GMDS: variants seen among roughly 807,000 people sequenced by gnomAD.
GMDS encodes the protein GDP-mannose 4,6 dehydratase.
In GMDS, 20 loss-of-function variants were observed where a neutral mutation model predicts 49.9. The observed-to-expected ratio is 0.40, with a 90% CI of 0.28 to 0.58. The LOEUF (loss-of-function observed/expected upper bound fraction) is 0.58. Among genes scored for constraint, GMDS ranks in the 20% least tolerant of loss-of-function variants. The pLI, the probability that GMDS is intolerant of heterozygous loss-of-function variation, is 0.42. For missense variants in GMDS, 362 were observed against 481.4 expected, an observed-to-expected ratio of 0.75 and a Z score of 2.32; for synonymous variants, 177 against 178.6, an observed-to-expected ratio of 0.99 and a Z score of 0.07.
At chr6:2,223,258 C>G (rs1343495943) in intron 1 of GMDS, among the ~76,000 whole-genome samples, 1 of 151,900 alleles carries the variant, frequency 6.6e-6, no homozygotes, top group Non-Finnish European at 1.5e-5. Context: ...AGAAACTATC[C>G]GTACAAAATG....
chr6:1,674,284 A>C (rs6936424), intron 9 of GMDS, among the ~76,000 whole-genome samples: 19,521 of 152,142 alleles, frequency 0.13, 1,693 homozygotes, highest in Non-Finnish European at 0.18. Flanking sequence ...GACGCTGAGC[A>C]TATTTTCATA....
chr6:2,169,522 C>T lies in GMDS; in HGVS notation c.103-44791G>A, dbSNP rs572114305. Among the ~76,000 whole-genome samples the T allele has an allele frequency of 5.1e-4, 77 of 150,318 alleles. 1 individual carries two copies. The highest frequency in any genetic ancestry group is 1.7e-3 in the African/African-American group (70 of 40,722). On this transcript the variant is annotated intron_variant, in intron 1 of 10. Transcript: ENST00000380815. ...ACTCAGGAGGCTGGAGCTGGAGAAT[C>T]GATTGAACCAAGGATGCAGAGGTTG...
chr6:1,813,008 A>G (rs1415497737), intron 7 of GMDS, among the ~76,000 whole-genome samples: 1 of 152,110 alleles, frequency 6.6e-6, no homozygotes, highest in Non-Finnish European at 1.5e-5. Flanking sequence ...GGACTGCTTG[A>G]GGCGGTCGAG....
At chr6:1,971,020 T>A (rs1581440971) in intron 4 of GMDS, among the ~76,000 whole-genome samples, 1 of 149,748 alleles carries the variant, frequency 6.7e-6, no homozygotes, top group African/African-American at 2.5e-5. Flanking sequence ...GGAGTGGGGG[T>A]TTGGAAAGGT....
chr6:1,848,699 T>C (rs1426437660), intron 7 of GMDS, among the ~76,000 whole-genome samples: 1 of 152,196 alleles, frequency 6.6e-6, no homozygotes, highest in Non-Finnish European at 1.5e-5. Flanking sequence ...AGGGCAGGAC[T>C]GCATAGGGCT....
chr6:2,052,901 C>T (rs1770522392), intron 4 of GMDS, among the ~76,000 whole-genome samples: 1 of 152,214 alleles, frequency 6.6e-6, no homozygotes, highest in Non-Finnish European at 1.5e-5. Context: ...TCTACACTAA[C>T]ACTGCTGACC....
At chr6:2,178,298 G>A (rs574239839) in intron 1 of GMDS, among the ~76,000 whole-genome samples, 1 of 152,262 alleles carries the variant, frequency 6.6e-6, no homozygotes, top group African/African-American at 2.4e-5. Flanking sequence ...GCATGATGCT[G>A]GCATCTGCTT....
intron 7 of GMDS, among the ~76,000 whole-genome samples, chr6:1,897,828 T>A (rs1344614914): frequency 6.6e-6 from 1 of 152,240 alleles, no homozygotes; most frequent in Non-Finnish European, 1.5e-5. Context: ...ACCTGTCCAA[T>A]GCTGAATGAT....
At chr6:1,674,560 C>CT (rs869292549) in intron 9 of GMDS, among the ~76,000 whole-genome samples, 6,446 of 73,074 alleles carry the variant, frequency 0.088, 800 homozygotes, top group East Asian at 0.22. Flanking sequence ...CTCTCTCTCT[C>CT]TTTTTTTTTT....
chr6:1,642,933 A>G (rs1023136089), intron 9 of GMDS, among the ~76,000 whole-genome samples: 5 of 152,176 alleles, frequency 3.3e-5, no homozygotes, highest in African/African-American at 1.2e-4. Context: ...CTATTTTAAA[A>G]TAGCTCTTCA....
chr6:1,774,145 C>A (rs1396299549), intron 7 of GMDS, among the ~76,000 whole-genome samples: 3 of 152,158 alleles, frequency 2.0e-5, no homozygotes, highest in Non-Finnish European at 4.4e-5. Context: ...ATAAATGAAT[C>A]AAAACCATAA....
intron 4 of GMDS, among the ~76,000 whole-genome samples, chr6:2,069,603 C>A (rs1330862009): frequency 6.6e-6 from 1 of 152,022 alleles, no homozygotes; most frequent in African/African-American, 2.4e-5. Flanking sequence ...AAAAAGTGGG[C>A]GAAGGACATG....
At chr6:1,709,161 G>A (rs1022377714) in intron 9 of GMDS, among the ~76,000 whole-genome samples, 2 of 152,222 alleles carry the variant, frequency 1.3e-5, no homozygotes, top group African/African-American at 2.4e-5. Context: ...TACACCCACT[G>A]CAGCACTGAG....
intron 1 of GMDS, among the ~76,000 whole-genome samples, chr6:2,179,370 C>T (rs1202484876): frequency 6.6e-6 from 1 of 152,140 alleles, no homozygotes; most frequent in Admixed American, 6.5e-5. Flanking sequence ...CTGAATATTG[C>T]CCCAAATCAT....
chr6:1,992,462 G>A (rs532348005), intron 4 of GMDS, among the ~76,000 whole-genome samples: 4 of 152,226 alleles, frequency 2.6e-5, no homozygotes, highest in African/African-American at 4.8e-5. Flanking sequence ...CCACATCAGC[G>A]TCCAGGCTGT....
At chr6:1,749,891 G>A (rs942264375) in intron 7 of GMDS, among the ~76,000 whole-genome samples, 5 of 152,208 alleles carry the variant, frequency 3.3e-5, no homozygotes, top group African/African-American at 9.6e-5. Flanking sequence ...TAGTGCCGTG[G>A]CATGATCGTA....
intron 4 of GMDS, among the ~76,000 whole-genome samples, chr6:2,093,619 G>C (rs1773439091): frequency 6.6e-6 from 1 of 151,992 alleles, no homozygotes; most frequent in South Asian, 2.1e-4. Flanking sequence ...TATTCTTCAA[G>C]GTGAAAGACT....
At chr6:1,955,395 G>A (rs796225631) in intron 6 of GMDS, among the ~76,000 whole-genome samples, 33 of 152,226 alleles carry the variant, frequency 2.2e-4, no homozygotes, top group African/African-American at 7.9e-4. Flanking sequence ...GTGAATATCA[G>A]TATATAATAC....
chr6:2,213,612 G>T (rs1780172807), intron 1 of GMDS, among the ~76,000 whole-genome samples: 3 of 152,198 alleles, frequency 2.0e-5, no homozygotes, highest in Admixed American at 1.3e-4. Flanking sequence ...TCCCAGAGCA[G>T]ATTGCTGGGC....
Sources: gnomAD v4.1 joint callset for allele counts (sites outside exome capture counted in the v4.1 genomes callset) on GRCh38, gnomAD v4.1.1 for gene constraint, MANE v1.5 for transcripts, NCBI Gene and HGNC (gene_info 2026-07-23, HGNC 2026-07-21) for gene names.